Variants in DLAT observed in about 807,000 individuals in gnomAD.
DLAT encodes the protein dihydrolipoamide S-acetyltransferase, also known as dihydrolipoyllysine-residue acetyltransferase component of pyruvate dehydrogenase complex, mitochondrial.
DLAT carries 43 observed loss-of-function variants against 68.0 expected under a neutral mutation model. The observed-to-expected ratio is 0.63, with a 90% confidence interval of 0.50 to 0.81. DLAT has a LOEUF of 0.81. Among genes scored for constraint, DLAT ranks in the 40% least tolerant of loss-of-function variants. DLAT has a pLI of 0.00. For missense variants in DLAT, 745 were observed against 815.4 expected, an observed-to-expected ratio of 0.91 and a Z score of 1.05; for synonymous variants, 265 against 288.6, an observed-to-expected ratio of 0.92 and a Z score of 0.83.
chr11:112,033,304 C>A, intron 4 of DLAT, 100 bp from the exon 5 acceptor site: 1 of 1,430,726 alleles, frequency 7.0e-7, no homozygotes, highest in Non-Finnish European at 9.7e-7. Context: ...TTTGGATTAT[C>A]ATAGTCACCA....
intron 8 of DLAT, among the ~76,000 whole-genome samples, chr11:112,044,533 C>A (rs146040333): frequency 3.3e-5 from 5 of 152,124 alleles, no homozygotes; most frequent in African/African-American, 1.2e-4. Flanking sequence ...TTCCTTGCAA[C>A]TTAAGAATGC....
At chr11:112,039,465 G>C (rs1862942639) in intron 7 of DLAT, 68 bp downstream of exon 7, 1 of 1,506,526 alleles carries the variant, frequency 6.6e-7, no homozygotes, top group Non-Finnish European at 9.2e-7. Flanking sequence ...CTTAAGACTT[G>C]CAAGTACAAC....
intron 7 of DLAT, among the ~76,000 whole-genome samples, chr11:112,040,866 G>A (rs1399840121): frequency 6.6e-6 from 1 of 151,426 alleles, no homozygotes. Flanking sequence ...AGCAATACTC[G>A]TTACCTTACT....
chr11:112,061,317 G>A (rs1864608472), intron 13 of DLAT, 143 bp downstream of exon 13: 2 of 828,714 alleles, frequency 2.4e-6, no homozygotes, highest in East Asian at 2.6e-5. Context: ...ATGATATGAT[G>A]TAATATTTGC....
intron 13 of DLAT, among the ~76,000 whole-genome samples, chr11:112,061,809 C>T (rs1366346267): frequency 6.6e-6 from 1 of 152,102 alleles, no homozygotes; most frequent in African/African-American, 2.4e-5. Context: ...GGTCTTGATC[C>T]TGACCTCAAA....
chr11:112,058,838 G>C (rs765944751), intron 11 of DLAT, among the ~76,000 whole-genome samples: 27 of 151,974 alleles, frequency 1.8e-4, no homozygotes, highest in Admixed American at 3.9e-4. Context: ...CCTGCAACAA[G>C]ATCTTATTAT....
At chr11:112,047,426 C>CT (rs1863378758) in intron 10 of DLAT, among the ~76,000 whole-genome samples, 1 of 152,156 alleles carries the variant, frequency 6.6e-6, no homozygotes, top group African/African-American at 2.4e-5. Flanking sequence ...CCTGTTCACT[C>CT]TGATGATAGT....
At chr11:112,057,295 G>T (rs1864155823) in intron 11 of DLAT, among the ~76,000 whole-genome samples, 1 of 152,114 alleles carries the variant, frequency 6.6e-6, no homozygotes, top group Non-Finnish European at 1.5e-5. Context: ...CTCTACAATG[G>T]CCTCTGAGTG....
intron 9 of DLAT, among the ~76,000 whole-genome samples, chr11:112,045,544 C>T (rs587652788): frequency 2.0e-5 from 3 of 152,072 alleles, no homozygotes; most frequent in African/African-American, 4.8e-5. Context: ...AAAAATTAGC[C>T]GGGCATGGTG....
intron 4 of DLAT, among the ~76,000 whole-genome samples, chr11:112,031,026 C>G (rs782499785): frequency 6.6e-6 from 1 of 152,132 alleles, no homozygotes; most frequent in South Asian, 2.1e-4. Flanking sequence ...CTTAATTATT[C>G]TTTAAGATAC....
rs587669644 is a variant in DLAT, at chr11:112,060,771, C to T, written c.1678-267C>T. Among the ~76,000 whole-genome samples, 10 of 152,186 alleles carry T rather than the reference C, an allele frequency of 6.6e-5. No homozygotes were observed. In the South Asian group the frequency reaches 1.5e-3, roughly 22 times the overall value. Reference sequence around the variant, plus strand: ...GTGAGCCACTGTGCCTGGCCTGCCACGTAACTCTTATTGACACACCGTTCT... The same window carrying T: ...GTGAGCCACTGTGCCTGGCCTGCCATGTAACTCTTATTGACACACCGTTCT... On this transcript the variant is annotated intron_variant, in intron 12 of 13. Transcript: ENST00000280346.
At chr11:112,026,085 G>A in intron 1 of DLAT, 113 bp from the exon 2 acceptor site, 1 of 903,768 alleles carries the variant, frequency 1.1e-6, no homozygotes, top group Non-Finnish European at 1.8e-6. Flanking sequence ...AGTTCCCAAT[G>A]TGCAATGGAA....
At chr11:112,034,734 G>T (rs1555180263) in intron 5 of DLAT, among the ~76,000 whole-genome samples, 1 of 150,774 alleles carries the variant, frequency 6.6e-6, no homozygotes, top group Non-Finnish European at 1.5e-5. Flanking sequence ...GAGCCATGGC[G>T]ATTTGTAGTA....
intron 4 of DLAT, among the ~76,000 whole-genome samples, chr11:112,029,630 T>C (rs587774584): frequency 1.8e-4 from 27 of 151,760 alleles, no homozygotes; most frequent in South Asian, 2.1e-4. Flanking sequence ...ATCTCTAACA[T>C]TGGGGATCAT....
intron 7 of DLAT, among the ~76,000 whole-genome samples, chr11:112,043,040 C>T (rs191381778): frequency 2.4e-4 from 37 of 152,284 alleles, no homozygotes; most frequent in Admixed American, 2.0e-3. Flanking sequence ...ATCTATTTCA[C>T]GGCTTAGGAA....
chr11:112,042,084 G>T (rs1863077556), intron 7 of DLAT, among the ~76,000 whole-genome samples: 1 of 152,204 alleles, frequency 6.6e-6, no homozygotes, highest in Non-Finnish European at 1.5e-5. Context: ...GTTTTGAAAA[G>T]ATCATTTTGG....
chr11:112,048,969 ATTTTTTTTTTT>A (rs34651095), intron 10 of DLAT, among the ~76,000 whole-genome samples: 21 of 93,668 alleles, frequency 2.2e-4, no homozygotes, highest in Admixed American at 7.6e-4. Context: ...TTTTCTCAAG[ATTTTTTTTTTT>A]TTTTTTTTTT....
chr11:112,045,802 C>A, intron 9 of DLAT, 61 bp from the exon 10 acceptor site: 1 of 1,006,262 alleles, frequency 9.9e-7, no homozygotes, highest in Non-Finnish European at 1.6e-6. Context: ...ACAAACAGAG[C>A]CCTAAATTAG....
At chr11:112,026,761 AC>A (rs1193482343) in intron 2 of DLAT, among the ~76,000 whole-genome samples, 1 of 151,888 alleles carries the variant, frequency 6.6e-6, no homozygotes, top group African/African-American at 2.4e-5. Context: ...TCTTTTCCCC[AC>A]CTTTCCCCCC....
Sources: allele counts gnomAD v4.1 joint callset (sites outside exome capture counted in the v4.1 genomes callset), GRCh38; gene constraint gnomAD v4.1.1; transcripts MANE v1.5; gene names NCBI Gene and HGNC (gene_info 2026-07-23, HGNC 2026-07-21).